NXPE2: variants seen among roughly 807,000 people sequenced by gnomAD.
NXPE2 encodes NXPE family member 2.
NXPE2 carries 34 observed loss-of-function variants against 34.4 expected under a neutral mutation model. The ratio of observed to expected loss-of-function variants is 0.99; its 90% CI spans 0.75 to 1.31. The LOEUF is 1.31. NXPE2 is among the 40% of genes most tolerant of loss of function. NXPE2 has a pLI of 0.00. For synonymous variants in NXPE2, 235 were observed against 231.3 expected, an observed-to-expected ratio of 1.02 and a Z score of -0.15; for missense variants, 649 against 672.5, an observed-to-expected ratio of 0.97 and a Z score of 0.39.
chr11:114,591,306 T>C, the NXPE2 span, among the ~76,000 whole-genome samples: 1 of 152,212 alleles, frequency 6.6e-6, no homozygotes. Flanking sequence ...TCCATGCTCA[T>C]GCTACCATTT....
chr11:114,577,761 T>C, the NXPE2 span, among the ~76,000 whole-genome samples: 1 of 152,162 alleles, frequency 6.6e-6, no homozygotes, highest in Admixed American at 6.6e-5. Flanking sequence ...AAGGTACTAA[T>C]TGGTCTTTAC....
At chr11:114,775,849 C>G in the NXPE2 span, among the ~76,000 whole-genome samples, 11 of 149,568 alleles carry the variant, frequency 7.4e-5, no homozygotes, top group Non-Finnish European at 1.5e-4. Flanking sequence ...ACTCCAGCAG[C>G]CTTCTGGAAG....
At chr11:114,727,774 AACACACACACACACACAC>A in the NXPE2 span, among the ~76,000 whole-genome samples, 1 of 127,582 alleles carries the variant, frequency 7.8e-6, no homozygotes, top group Non-Finnish European at 1.7e-5. Flanking sequence ...ATGTGTACAC[AACACACACACACACACAC>A]ACACACACAC....
chr11:114,743,697 C>T, the NXPE2 span, among the ~76,000 whole-genome samples: 2 of 151,828 alleles, frequency 1.3e-5, no homozygotes, highest in Admixed American at 6.6e-5. Context: ...AGATTCCAGT[C>T]CTTTGCCGCC....
the NXPE2 span, chr11:114,584,484 GA>G: frequency 5.4e-6 from 1 of 186,616 alleles, no homozygotes; most frequent in South Asian, 9.8e-5. Context: ...CCGTTTCTCT[GA>G]CAGATGAATT....
the NXPE2 span, among the ~76,000 whole-genome samples, chr11:114,650,446 T>C: frequency 6.6e-6 from 1 of 152,152 alleles, no homozygotes; most frequent in African/African-American, 2.4e-5. Flanking sequence ...AGGGTACTCC[T>C]ATTTGGTGCA....
At chr11:114,505,182 A>G in the NXPE2 span, among the ~76,000 whole-genome samples, 69 of 152,134 alleles carry the variant, frequency 4.5e-4, no homozygotes, top group East Asian at 1.9e-3. Context: ...AATAGAGAGA[A>G]AAAAAAAGGA....
chr11:114,473,995 G>C, the NXPE2 span, among the ~76,000 whole-genome samples: 1 of 152,140 alleles, frequency 6.6e-6, no homozygotes. Flanking sequence ...ATGGGGGCGA[G>C]AAAGAGAGAG....
At chr11:114,621,017 T>C in the NXPE2 span, among the ~76,000 whole-genome samples, 1 of 150,846 alleles carries the variant, frequency 6.6e-6, no homozygotes, top group African/African-American at 2.4e-5. Context: ...TGTCTCGTGG[T>C]TGACCACTGT....
chr11:114,481,277 G>GA, the NXPE2 span, among the ~76,000 whole-genome samples: 9 of 152,156 alleles, frequency 5.9e-5, no homozygotes, highest in Non-Finnish European at 1.2e-4. Flanking sequence ...TTGCTGTCCT[G>GA]AAATTTCTAT....
the NXPE2 span, among the ~76,000 whole-genome samples, chr11:114,636,288 T>A: frequency 6.6e-6 from 1 of 152,076 alleles, no homozygotes. Context: ...TAGTTTGTAT[T>A]TCTGTGAGAT....
the NXPE2 span, among the ~76,000 whole-genome samples, chr11:114,800,759 T>C: frequency 6.7e-6 from 1 of 150,130 alleles, no homozygotes; most frequent in Non-Finnish European, 1.5e-5. Flanking sequence ...TCTTGGTCTG[T>C]TTATAACACT....
At chr11:114,730,178 T>C in the NXPE2 span, among the ~76,000 whole-genome samples, 1 of 152,124 alleles carries the variant, frequency 6.6e-6, no homozygotes, top group Non-Finnish European at 1.5e-5. Flanking sequence ...CCTGTTCCTT[T>C]TTTTGTTGAA....
chr11:114,468,353 A>T, the NXPE2 span, among the ~76,000 whole-genome samples: 1 of 152,140 alleles, frequency 6.6e-6, no homozygotes, highest in Admixed American at 6.5e-5. Flanking sequence ...CAGGGTAAGT[A>T]TGGCCACATC....
At chr11:114,582,300 C>T in the NXPE2 span, 1 of 1,574,396 alleles carries the variant, frequency 6.4e-7, no homozygotes, top group East Asian at 2.2e-5. Flanking sequence ...TTCAAAGAGG[C>T]TCTTTTCTTG....
chr11:114,631,565 CTAAGG>C, the NXPE2 span, among the ~76,000 whole-genome samples: 1 of 151,388 alleles, frequency 6.6e-6, no homozygotes, highest in Non-Finnish European at 1.5e-5. Flanking sequence ...GGAGATATAC[CTAAGG>C]TTAGATGACG....
the NXPE2 span, among the ~76,000 whole-genome samples, chr11:114,633,700 TGA>T: frequency 3.2e-3 from 488 of 150,706 alleles, 3 homozygotes; most frequent in African/African-American, 0.011. Flanking sequence ...CACCTATGAG[TGA>T]GAACATGTGG....
the NXPE2 span, among the ~76,000 whole-genome samples, chr11:114,796,653 T>A: frequency 6.6e-6 from 1 of 152,246 alleles, no homozygotes; most frequent in Non-Finnish European, 1.5e-5. Context: ...AAGAACCTAA[T>A]GAGTGCCAGG....
intron 2 of NXPE2, among the ~76,000 whole-genome samples, chr11:114,681,498 C>T (rs1003703506): frequency 1.3e-5 from 2 of 152,128 alleles, no homozygotes; most frequent in East Asian, 1.9e-4. Flanking sequence ...TCCAAGACAT[C>T]CTTGCACTGG....
Sources: gnomAD v4.1 joint callset for allele counts (sites outside exome capture counted in the v4.1 genomes callset) on GRCh38, gnomAD v4.1.1 for gene constraint, MANE v1.5 for transcripts, NCBI Gene and HGNC (gene_info 2026-07-23, HGNC 2026-07-21) for gene names.